AFG1L: variants seen among roughly 807,000 people sequenced by gnomAD.
AFG1L encodes the protein AFG1 like ATPase.
Under a neutral mutation model 62.2 loss-of-function variants are expected in AFG1L, and 53 were observed. That is an observed-to-expected ratio of 0.85 (90% CI 0.68 to 1.07). The LOEUF (loss-of-function observed/expected upper bound fraction) is 1.07, where lower values mean the gene tolerates loss of function less well. Ranked by LOEUF, AFG1L falls within the 50% of genes least tolerant of loss-of-function variation. The pLI, the probability that AFG1L is intolerant of heterozygous loss-of-function variation, is 0.00. For missense variants in AFG1L, 555 were observed against 590.5 expected, an observed-to-expected ratio of 0.94 and a Z score of 0.62; for synonymous variants, 228 against 210.3, an observed-to-expected ratio of 1.08 and a Z score of -0.73.
intron 6 of AFG1L, among the ~76,000 whole-genome samples, chr6:108,388,506 G>C (rs978253408): frequency 6.6e-6 from 1 of 152,060 alleles, no homozygotes; most frequent in African/African-American, 2.4e-5. Flanking sequence ...TTTCTCCTGT[G>C]GGCATTTAGT....
chr6:108,391,708 C>G (rs769421054), intron 6 of AFG1L, among the ~76,000 whole-genome samples: 1 of 152,072 alleles, frequency 6.6e-6, no homozygotes, highest in Non-Finnish European at 1.5e-5. Context: ...TTTGTCTAAG[C>G]CAATGTCTAG....
intron 10 of AFG1L, among the ~76,000 whole-genome samples, chr6:108,507,753 G>C (rs1774473475): frequency 6.6e-6 from 1 of 152,202 alleles, no homozygotes. Flanking sequence ...TGTACCCTCA[G>C]AGCATGAGAG....
At chr6:108,446,052 ACACACACACACAC>A (rs1771776440) in intron 7 of AFG1L, among the ~76,000 whole-genome samples, 1 of 524 alleles carries the variant, frequency 1.9e-3, no homozygotes, top group African/African-American at 2.4e-3. Flanking sequence ...ATGTAGAGAT[ACACACACACACAC>A]ACACACACAC....
In AFG1L at chr6:108,295,519, G is replaced by C. The variant is rs542333228; in HGVS notation, c.139+301G>C. ...GAGTGCCTGGCTTGAAGAGATGCAG[G>C]TGTGGGGTTGGGGCCTGGGGACCCC... On this transcript the variant is annotated intron_variant, in intron 1 of 12. Transcript: ENST00000368977. 4.9e-4 allele frequency among the ~76,000 whole-genome samples: 74 copies of C among 151,926 alleles called. 1 individual carries two copies. Among genetic ancestry groups the C allele is most frequent in the Non-Finnish European group, 1.6e-4 (11 of 67,944 alleles).
intron 10 of AFG1L, among the ~76,000 whole-genome samples, chr6:108,492,529 G>T (rs1163023620): frequency 6.6e-6 from 1 of 152,172 alleles, no homozygotes; most frequent in Non-Finnish European, 1.5e-5. Flanking sequence ...CACTTATTAT[G>T]TTCTGTAGTC....
At chr6:108,419,352 C>G (rs1385795869) in intron 7 of AFG1L, among the ~76,000 whole-genome samples, 1 of 152,034 alleles carries the variant, frequency 6.6e-6, no homozygotes, top group Non-Finnish European at 1.5e-5. Flanking sequence ...TTTTAAATTT[C>G]TTCTTAAAAT....
intron 6 of AFG1L, among the ~76,000 whole-genome samples, chr6:108,383,732 C>G (rs1780642698): frequency 6.6e-6 from 1 of 152,078 alleles, no homozygotes; most frequent in African/African-American, 2.4e-5. Flanking sequence ...TAATTGGAGA[C>G]AGATACAGTC....
chr6:108,488,173 C>T (rs889289736), intron 10 of AFG1L, among the ~76,000 whole-genome samples: 1 of 152,198 alleles, frequency 6.6e-6, no homozygotes, highest in Non-Finnish European at 1.5e-5. Flanking sequence ...ATTTTACTCA[C>T]ACTTCTCCCT....
chr6:108,396,613 C>T (rs1562131417), intron 6 of AFG1L, among the ~76,000 whole-genome samples: 1 of 152,122 alleles, frequency 6.6e-6, no homozygotes, highest in Non-Finnish European at 1.5e-5. Context: ...ACCTCAGCCT[C>T]CCAGGTAACT....
Position 108,522,764 on chromosome 6 carries a change from C to G in AFG1L, c.*339C>G, listed in dbSNP as rs1775173738. 6.1e-6 allele frequency: 1 copy of G among 163,650 alleles called. No individual in the cohort carries two copies. The highest frequency in any genetic ancestry group is 1.3e-5 in the Non-Finnish European group (1 of 75,268). The allele number at this position is 163,650 out of a possible 1,614,324, so 10.1% of individuals were successfully genotyped here. On this transcript the variant is annotated 3_prime_UTR_variant, in exon 13 of 13. Coordinates refer to ENST00000368977, the MANE Select transcript of AFG1L (RefSeq NM_145315.5). ...TAAATGCAAGACGTCTGGATACCTTCAAGCTTTGGCTGCATGGTGGTGGCA... is the reference window on the plus strand; with the variant it reads ...TAAATGCAAGACGTCTGGATACCTTGAAGCTTTGGCTGCATGGTGGTGGCA...
intron 8 of AFG1L, among the ~76,000 whole-genome samples, chr6:108,466,758 A>AAC (rs1334069363): frequency 1.6e-4 from 3 of 19,188 alleles, no homozygotes; most frequent in Non-Finnish European, 8.5e-5. Context: ...TATATTTGTT[A>AAC]AAATATATAT....
chr6:108,523,594 A>G lies in AFG1L; in HGVS notation c.*1169A>G, dbSNP rs1486516278. ...GTCAGTCCAATGAATACAATGGTCAACATAAGTAAGCTCTTTGAACCTATT... is the reference window on the plus strand; with the variant it reads ...GTCAGTCCAATGAATACAATGGTCAGCATAAGTAAGCTCTTTGAACCTATT... On this transcript the variant is annotated 3_prime_UTR_variant, in exon 13 of 13. Coordinates refer to ENST00000368977, the MANE Select transcript of AFG1L (RefSeq NM_145315.5). 6.6e-6 allele frequency: 1 copy of G among 152,200 alleles called. No homozygotes were observed. Among genetic ancestry groups the G allele is most frequent in the Non-Finnish European group, 1.5e-5 (1 of 68,036 alleles). The allele number at this position is 152,200 out of a possible 1,614,324, so 9.4% of individuals were successfully genotyped here. A position where few individuals can be genotyped will look rare whatever the true frequency, so the allele number is the denominator to read the frequency against.
At chr6:108,491,106 A>G (rs1160738720) in intron 10 of AFG1L, among the ~76,000 whole-genome samples, 1 of 152,208 alleles carries the variant, frequency 6.6e-6, no homozygotes, top group Admixed American at 6.5e-5. Flanking sequence ...CACACACACA[A>G]CCATATACAC....
intron 9 of AFG1L, 67 bp downstream of exon 9, chr6:108,477,002 A>G: frequency 2.9e-6 from 4 of 1,371,204 alleles, no homozygotes; most frequent in Non-Finnish European, 4.2e-6. Flanking sequence ...CCACTGACCA[A>G]TTAATAAGTT....
intron 11 of AFG1L, among the ~76,000 whole-genome samples, chr6:108,512,332 G>A (rs1774686574): frequency 1.3e-5 from 2 of 152,168 alleles, no homozygotes; most frequent in South Asian, 4.1e-4. Flanking sequence ...CCCACCTAAG[G>A]GAGTGCTATC....
intron 7 of AFG1L, among the ~76,000 whole-genome samples, chr6:108,420,299 T>C (rs1236096257): frequency 6.6e-6 from 1 of 151,700 alleles, no homozygotes; most frequent in Non-Finnish European, 1.5e-5. Flanking sequence ...CTGTATGTGG[T>C]AAAATATTTC....
chr6:108,516,967 G>A (rs1774920832), intron 11 of AFG1L, among the ~76,000 whole-genome samples: 1 of 152,136 alleles, frequency 6.6e-6, no homozygotes, highest in African/African-American at 2.4e-5. Context: ...ACCTCTTCAA[G>A]GAGAGCTACA....
chr6:108,401,499 G>T (rs1387773026), intron 6 of AFG1L, among the ~76,000 whole-genome samples: 2 of 152,040 alleles, frequency 1.3e-5, no homozygotes, highest in Admixed American at 6.6e-5. Context: ...CACCGTGTTG[G>T]CCAGGCTGAT....
intron 6 of AFG1L, among the ~76,000 whole-genome samples, chr6:108,394,103 C>T (rs1582505498): frequency 7.2e-6 from 1 of 138,118 alleles, no homozygotes; most frequent in Non-Finnish European, 1.5e-5. Flanking sequence ...TCTCTCTTTT[C>T]TTTCCTTTCC....
Sources: gnomAD v4.1 joint callset for allele counts (sites outside exome capture counted in the v4.1 genomes callset) on GRCh38, gnomAD v4.1.1 for gene constraint, MANE v1.5 for transcripts, NCBI Gene and HGNC (gene_info 2026-07-23, HGNC 2026-07-21) for gene names.